Variants in KIFC1 observed in about 807,000 individuals in gnomAD.
KIFC1 encodes kinesin family member C1.
KIFC1 carries 37 observed loss-of-function variants against 66.6 expected under a neutral mutation model. The observed-to-expected ratio is 0.56, with a 90% confidence interval of 0.43 to 0.73. The LOEUF is 0.73. Ranked by LOEUF, KIFC1 falls within the 30% of genes least tolerant of loss-of-function variation. KIFC1 has a pLI of 0.00. For synonymous variants in KIFC1, 325 were observed against 343.5 expected (o/e 0.95, Z 0.60); for missense variants, 721 against 859.8 (o/e 0.84, Z 2.02).
rs374434798 is a variant in KIFC1 at position 33,398,209 on chromosome 6, G to A, written c.150+43G>A. The stretch of plus-strand genomic sequence containing the variant: ...AGCTGTGCATGTGTGTGGGGGGTGT[G>A]TGTGTGTGAAAGAAAGGAGAGAGAG... On this transcript the variant is annotated intron_variant, in intron 2 of 10. Coordinates refer to ENST00000428849, the MANE Select transcript of KIFC1 (RefSeq NM_002263.4). 9.3e-6 allele frequency: 15 copies of A among 1,613,906 alleles called. No homozygotes were observed. The African/African-American group carries it at 1.9e-4, about 20-fold the overall frequency.
intron 10 of KIFC1, 87 bp from the exon 11 acceptor site, chr6:33,409,559 C>A: frequency 1.5e-6 from 2 of 1,304,136 alleles, no homozygotes; most frequent in Non-Finnish European, 2.2e-6. Flanking sequence ...TGAGGGCAGC[C>A]CTAGCATTGG....
At chr6:33,398,245 A>G in intron 2 of KIFC1, 43 bp from the exon 3 acceptor site, 2 of 1,613,486 alleles carry the variant, frequency 1.2e-6, no homozygotes, top group Non-Finnish European at 1.7e-6. Flanking sequence ...AGTATAAACC[A>G]TTAGGGAGGG....
chr6:33,393,513 T>C (rs377198301), intron 1 of KIFC1, among the ~76,000 whole-genome samples: 8 of 138,764 alleles, frequency 5.8e-5, no homozygotes, highest in African/African-American at 2.2e-4. Context: ...TGATCATGGC[T>C]CACTGGAGCC....
Position 33,403,372 on chromosome 6 carries a change from C to T in KIFC1, c.304+5C>T. On this transcript the variant is annotated splice_donor_5th_base_variant and intron_variant, in intron 4 of 10. Transcript: ENST00000428849. This position sits in a 1 kb window ranked among gnomAD's most constrained non-coding sequence, Gnocchi z 4.6. ...GTTCCACAGCTATTGCCACAGGTAA[C>T]TGTGCTCAAGAGCTGGGTCTGAGAA... 1.2e-6 allele frequency: 2 copies of T among 1,614,074 alleles called. No homozygotes were observed. Among genetic ancestry groups the T allele is most frequent in the Non-Finnish European group, 1.7e-6 (2 of 1,179,952 alleles).
rs777181430 is a variant in KIFC1, at chr6:33,406,586, A to G, written c.1828-6A>G. The stretch of plus-strand genomic sequence containing the variant: ...CTAAACATCTGTCCCCACCTCAATC[A>G]TCTAGGAGTCCCACGTGCCTTACCG... On this transcript the variant is annotated splice_region_variant and splice_polypyrimidine_tract_variant and intron_variant, in intron 8 of 10. Coordinates refer to ENST00000428849, the MANE Select transcript of KIFC1 (RefSeq NM_002263.4). The surrounding 1 kb of genome is among the most constrained non-coding windows in gnomAD (Gnocchi z 4.5). 3.5e-5 allele frequency: 56 copies of G among 1,613,926 alleles called. No individual in the cohort carries two copies. The highest frequency in any genetic ancestry group is 4.4e-5 in the Non-Finnish European group (52 of 1,179,972).
chr6:33,395,916 A>G (rs1340851943), intron 1 of KIFC1, among the ~76,000 whole-genome samples: 1 of 152,208 alleles, frequency 6.6e-6, no homozygotes, highest in Non-Finnish European at 1.5e-5. Flanking sequence ...ATAGAAGCCA[A>G]TGGTATGGAT....
Position 33,404,053 on chromosome 6 carries a change from TG to T in KIFC1, c.681del (p.Gln228LysfsTer17). On this transcript the variant is annotated frameshift_variant, in exon 6 of 11. Coordinates refer to ENST00000428849, the MANE Select transcript of KIFC1 (RefSeq NM_002263.4). LOFTEE classifies it high-confidence loss of function. The surrounding 1 kb of genome is among the most constrained non-coding windows in gnomAD (Gnocchi z 4.0). ...EERLSTQEGL[V>X]QELQKKQVEL... ...CGGCTGAGCACGCAGGAGGGCTTGG[TG>T]CAAGAGCTTCAGAAAAAACAGGTGG... is the stretch of plus-strand genomic sequence containing the variant. The T allele has an allele frequency of 6.2e-7, 1 of 1,614,046 alleles. No homozygotes were observed. Among genetic ancestry groups the T allele is most frequent in the Non-Finnish European group, 8.5e-7 (1 of 1,180,002 alleles).
chr6:33,394,697 G>T (rs1199824662), intron 1 of KIFC1, among the ~76,000 whole-genome samples: 2 of 152,264 alleles, frequency 1.3e-5, no homozygotes, highest in South Asian at 2.1e-4. Flanking sequence ...GGCCAGGCTG[G>T]TCTCGAACTC....
rs1367856074 is a variant in KIFC1, at chr6:33,406,268, CG to C, written c.1610del (p.Arg537ProfsTer40). The C allele has an allele frequency of 1.2e-6, 2 of 1,614,142 alleles. No homozygotes were observed. On this transcript the variant is annotated frameshift_variant, in exon 8 of 11. Coordinates refer to ENST00000428849, the MANE Select transcript of KIFC1 (RefSeq NM_002263.4). LOFTEE classifies it high-confidence loss of function. The surrounding 1 kb of genome is among the most constrained non-coding windows in gnomAD (Gnocchi z 4.5). ...ARTAQNERSS[R>X]SHSVFQLQIS... is the part of the protein sequence containing the mutation. ...CACAGCCCAGAATGAACGGTCATCA[CG>C]CAGCCACAGTGTATTCCAGCTACAG...
rs1402645433 is a variant in KIFC1 at position 33,403,125 on chromosome 6, G to A, written c.251-189G>A. Among the ~76,000 whole-genome samples, 2 of 152,132 alleles carry A rather than the reference G, an allele frequency of 1.3e-5. No individual in the cohort carries two copies. Among genetic ancestry groups the A allele is most frequent in the Non-Finnish European group, 2.9e-5 (2 of 68,024 alleles). On this transcript the variant is annotated intron_variant, in intron 3 of 10. Coordinates refer to ENST00000428849, the MANE Select transcript of KIFC1 (RefSeq NM_002263.4). The surrounding 1 kb of genome is among the most constrained non-coding windows in gnomAD (Gnocchi z 4.6). The stretch of plus-strand genomic sequence containing the variant: ...CTGGAATCAACCCCTTTTGGATACT[G>A]AGGGATGACTGTAATTTCTGGTTCT...
chr6:33,397,046 G>A (rs1775088170), intron 1 of KIFC1, among the ~76,000 whole-genome samples: 1 of 143,148 alleles, frequency 7.0e-6, no homozygotes, highest in Non-Finnish European at 1.5e-5. Context: ...CTGGAGTGCA[G>A]TGTTGTGATC....
chr6:33,408,136 A>G (rs895800178), intron 10 of KIFC1, among the ~76,000 whole-genome samples: 1 of 152,226 alleles, frequency 6.6e-6, no homozygotes, highest in Non-Finnish European at 1.5e-5. Flanking sequence ...ATCCTCTAAT[A>G]CCCAGTTTAT....
In KIFC1 at chr6:33,398,023, C is replaced by A. The variant is rs373212856; in HGVS notation, c.13-6C>A. On this transcript the variant is annotated splice_region_variant and splice_polypyrimidine_tract_variant and intron_variant, in intron 1 of 10. Coordinates refer to ENST00000428849, the MANE Select transcript of KIFC1 (RefSeq NM_002263.4). Reference sequence around the variant, plus strand: ...GTATTGTCTTAAGGGTCTCTTTTCCCAACAGAGGTCCCCCCTATTGGAAGT... The same window carrying A: ...GTATTGTCTTAAGGGTCTCTTTTCCAAACAGAGGTCCCCCCTATTGGAAGT... 1.2e-6 allele frequency: 2 copies of A among 1,613,896 alleles called. No homozygotes were observed. The highest frequency in any genetic ancestry group is 1.7e-6 in the Non-Finnish European group (2 of 1,179,946).
chr6:33,391,466 T>G, upstream of KIFC1: 1 of 171,230 alleles, frequency 5.8e-6, no homozygotes, highest in Non-Finnish European at 1.3e-5. Context: ...CACGCGTCAT[T>G]TCTTTCCTCC....
At position 33,406,935 on chromosome 6, in the gene KIFC1, C is replaced by G. The variant is rs1241177965; in HGVS notation, c.1977+60C>G. On this transcript the variant is annotated intron_variant, in intron 10 of 10. Transcript: ENST00000428849. This position sits in a 1 kb window ranked among gnomAD's most constrained non-coding sequence, Gnocchi z 4.5. Reference sequence around the variant, plus strand: ...GTGGGTGGTTGTAGGCTTCTCCATTCCAATCCCTTTTGTCTTCTAGGGCAG... The same window carrying G: ...GTGGGTGGTTGTAGGCTTCTCCATTGCAATCCCTTTTGTCTTCTAGGGCAG... 3.7e-6 allele frequency: 6 copies of G among 1,607,980 alleles called. No individual in the cohort carries two copies. The African/African-American group carries it at 4.0e-5, about 11-fold the overall frequency.
rs534790496 is a variant in KIFC1 at position 33,400,944 on chromosome 6, G to A, written c.251-2370G>A. 6.6e-6 allele frequency among the ~76,000 whole-genome samples: 1 copy of A among 152,226 alleles called. No homozygotes were observed. The highest frequency in any genetic ancestry group is 1.9e-4 in the East Asian group (1 of 5,166). ...TGGGATTACAGGCGTGAGCCACTGC[G>A]CCCGGCTAACTTTTTGACTCTTGTA... On this transcript the variant is annotated intron_variant, in intron 3 of 10. Transcript: ENST00000428849. The surrounding 1 kb of genome is among the most constrained non-coding windows in gnomAD (Gnocchi z 4.3).
chr6:33,400,197 G>C lies in KIFC1; in HGVS notation c.250+1810G>C. On this transcript the variant is annotated intron_variant, in intron 3 of 10. Coordinates refer to ENST00000428849, the MANE Select transcript of KIFC1 (RefSeq NM_002263.4). This position sits in a 1 kb window ranked among gnomAD's most constrained non-coding sequence, Gnocchi z 4.3. The stretch of plus-strand genomic sequence containing the variant: ...TGGTTCCAGAGAGTTCTCTGGCTAA[G>C]GATCGGTGCCGCATCTGTCGAGCAA... The C allele has an allele frequency of 6.5e-7, 1 of 1,547,764 alleles. No homozygotes were observed. Among genetic ancestry groups the C allele is most frequent in the Non-Finnish European group, 8.8e-7 (1 of 1,135,458 alleles).
At chr6:33,407,984 C>T (rs975576936) in intron 10 of KIFC1, among the ~76,000 whole-genome samples, 1 of 152,240 alleles carries the variant, frequency 6.6e-6, no homozygotes, top group Non-Finnish European at 1.5e-5. Flanking sequence ...GAGTAGCCAG[C>T]ACCTGCACCC....
Position 33,409,707 on chromosome 6 carries a change from G to GTC in KIFC1, c.*18_*19insCT. On this transcript the variant is annotated 3_prime_UTR_variant, in exon 11 of 11. Transcript: ENST00000428849. ...AGGAAGTGAAGACGGATCCAGATCT[G>GTC]TGTGTGTGTGTGTGTGTGTGTGTGT... 2.9e-6 allele frequency: 1 copy of GTC among 345,328 alleles called. No homozygotes were observed. Among genetic ancestry groups the GTC allele is most frequent in the East Asian group, 1.1e-4 (1 of 8,766 alleles). 21.4% of individuals were successfully genotyped at this position (345,328 alleles called of 1,614,324 possible). A position where few individuals can be genotyped will look rare whatever the true frequency, so the allele number is the denominator to read the frequency against.
Sources: allele counts gnomAD v4.1 joint callset (sites outside exome capture counted in the v4.1 genomes callset), GRCh38; gene constraint gnomAD v4.1.1; non-coding constraint Gnocchi (gnomAD v3.1); transcripts MANE v1.5; gene names NCBI Gene and HGNC (gene_info 2026-07-23, HGNC 2026-07-21).